RYR2: variants seen among roughly 807,000 people sequenced by gnomAD.
RYR2 encodes ryanodine receptor 2.
A neutral mutation model predicts 601.1 loss-of-function variants in RYR2; 227 were observed. The observed-to-expected ratio is 0.38, with a 90% CI of 0.34 to 0.42. The LOEUF is 0.42. Ranked by LOEUF, RYR2 falls within the 10% of genes least tolerant of loss-of-function variation. The pLI is 1.00. For synonymous variants in RYR2, 2,223 were observed against 2,175.1 expected (o/e 1.02, Z -0.61); for missense variants, 4,646 against 6,156.5 (o/e 0.75, Z 8.21).
chr1:237,099,506 G>A (rs1667848028), intron 1 of RYR2, among the ~76,000 whole-genome samples: 1 of 152,138 alleles, frequency 6.6e-6, no homozygotes, highest in African/African-American at 2.4e-5. Context: ...CCGAAGTGCT[G>A]GGTTTACAGA....
chr1:237,784,915 G>A lies in RYR2; in HGVS notation c.13203G>A (p.Gly4401=), dbSNP rs1399373515. The change falls in exon 90 of 105, where the codon GGG becomes GGA. Residue 4401 remains glycine, a synonymous_variant. Coordinates refer to ENST00000366574, the MANE Select transcript of RYR2 (RefSeq NM_001035.3). This position sits in a 1 kb window ranked among gnomAD's most constrained non-coding sequence, Gnocchi z 7.1. ...YKLIPHNPNA[G]LSDLMSNPVP... Reference sequence around the variant, plus strand: ...TGATTCCTCATAATCCAAATGCTGGGCTCAGTGACCTCATGAGCAACCCAG... The same window carrying A: ...TGATTCCTCATAATCCAAATGCTGGACTCAGTGACCTCATGAGCAACCCAG... The A allele has an allele frequency of 6.2e-7, 1 of 1,609,850 alleles. No homozygotes were observed. The highest frequency in any genetic ancestry group is 8.5e-7 in the Non-Finnish European group (1 of 1,177,988).
intron 40 of RYR2, 26 bp downstream of exon 40, chr1:237,625,830 A>G: frequency 6.2e-7 from 1 of 1,609,568 alleles, no homozygotes; most frequent in Non-Finnish European, 8.5e-7. Context: ...GTGCACTGGC[A>G]GAATGACCCA....
In RYR2 at chr1:237,322,538, A is replaced by G. The variant is rs372272511; in HGVS notation, c.169-8340A>G. Among the ~76,000 whole-genome samples, 19 of 152,238 alleles carry G rather than the reference A, an allele frequency of 1.2e-4. No homozygotes were observed. In the East Asian group the frequency reaches 3.7e-3, roughly 30 times the overall value. On this transcript the variant is annotated intron_variant, in intron 2 of 104. Transcript: ENST00000366574. ...TCCCAGATACTATATCAGGCAAGAAACCTATGAATGGATTCTACAAAATAT... is the reference window on the plus strand; with the variant it reads ...TCCCAGATACTATATCAGGCAAGAAGCCTATGAATGGATTCTACAAAATAT...
At chr1:237,299,127 C>CTTT (rs3086046) in intron 2 of RYR2, among the ~76,000 whole-genome samples, 13,858 of 145,358 alleles carry the variant, frequency 0.095, 1,301 homozygotes, top group African/African-American at 0.23. Flanking sequence ...TTCCTAGAGT[C>CTTT]TTTTTTTTTT....
intron 1 of RYR2, among the ~76,000 whole-genome samples, chr1:237,194,674 A>C (rs577912440): frequency 6.6e-6 from 1 of 152,236 alleles, no homozygotes; most frequent in African/African-American, 2.4e-5. Context: ...AGTAGGGGAG[A>C]GCGAGTGAGC....
At chr1:237,718,576 C>G (rs1033322863) in intron 73 of RYR2, 55 bp downstream of exon 73, 51 of 880,940 alleles carry the variant, frequency 5.8e-5, no homozygotes, top group Non-Finnish European at 7.7e-5. Flanking sequence ...TAGTTAATCT[C>G]TCTTTAAAAT....
intron 1 of RYR2, among the ~76,000 whole-genome samples, chr1:237,042,870 G>A (rs1199675272): frequency 6.6e-6 from 1 of 152,160 alleles, no homozygotes; most frequent in Non-Finnish European, 1.5e-5. Context: ...TCGGAGCTGC[G>A]GGAACCGGGA....
intron 1 of RYR2, among the ~76,000 whole-genome samples, chr1:237,207,630 C>T (rs903315698): frequency 4.6e-5 from 7 of 152,106 alleles, no homozygotes; most frequent in East Asian, 1.9e-4. Context: ...CACCGGATGC[C>T]GGCTCCTTGA....
intron 29 of RYR2, among the ~76,000 whole-genome samples, chr1:237,586,190 A>G (rs543678355): frequency 1.3e-5 from 2 of 152,302 alleles, no homozygotes; most frequent in South Asian, 4.1e-4. Flanking sequence ...TAACACCTGT[A>G]TATTCTTCAA....
At chr1:237,795,239 T>A (rs561265758) in intron 95 of RYR2, 50 bp from the exon 96 acceptor site, 1 of 870,380 alleles carries the variant, frequency 1.1e-6, no homozygotes, top group East Asian at 3.1e-5. Flanking sequence ...TATGTTATTA[T>A]TTGTCATTAA....
intron 96 of RYR2, among the ~76,000 whole-genome samples, 155 bp downstream of exon 96, chr1:237,795,486 C>T (rs1039657197): frequency 2.0e-5 from 3 of 150,852 alleles, no homozygotes; most frequent in Admixed American, 1.3e-4. Context: ...GAGTCTCACT[C>T]CGTCACCCAG....
intron 41 of RYR2, among the ~76,000 whole-genome samples, chr1:237,629,639 T>C (rs552354563): frequency 6.6e-6 from 1 of 151,918 alleles, no homozygotes; most frequent in Admixed American, 6.6e-5. Flanking sequence ...AACAATAAAA[T>C]TGATCAAAGA....
intron 71 of RYR2, 95 bp from the exon 72 acceptor site, chr1:237,717,103 T>A: frequency 9.3e-7 from 1 of 1,071,770 alleles, no homozygotes; most frequent in Non-Finnish European, 1.3e-6. Flanking sequence ...CAGCAGAAAA[T>A]GAGGAAGATG....
At chr1:237,111,706 G>A (rs892888469) in intron 1 of RYR2, among the ~76,000 whole-genome samples, 1 of 152,060 alleles carries the variant, frequency 6.6e-6, no homozygotes, top group Non-Finnish European at 1.5e-5. Flanking sequence ...GCCATCTTTG[G>A]GATTCTCTTT....
chr1:237,470,487 A>C (rs1572470220), intron 17 of RYR2, among the ~76,000 whole-genome samples: 1 of 152,204 alleles, frequency 6.6e-6, no homozygotes, highest in East Asian at 1.9e-4. Flanking sequence ...AATTTGAGTC[A>C]TAGTGAGTTC....
chr1:237,722,722 C>T (rs895693533), intron 73 of RYR2, among the ~76,000 whole-genome samples: 1 of 152,104 alleles, frequency 6.6e-6, no homozygotes, highest in Non-Finnish European at 1.5e-5. Flanking sequence ...CGTGAGCCAC[C>T]GTGCCTGGCC....
chr1:237,071,516 G>A (rs2148325527), intron 1 of RYR2, among the ~76,000 whole-genome samples: 1 of 152,236 alleles, frequency 6.6e-6, no homozygotes, highest in South Asian at 2.1e-4. Context: ...GAGCCACCCT[G>A]CCCGGCCGAG....
Position 237,206,499 on chromosome 1 carries a change from CATA to C in RYR2, c.49-63992_49-63990del, listed in dbSNP as rs1024007243. On this transcript the variant is annotated intron_variant, in intron 1 of 104. Transcript: ENST00000366574. The stretch of plus-strand genomic sequence containing the variant: ...AGAAAGTTTTTCACACTTGTTTCTC[CATA>C]ATAATTCAAGTACTTCTATTTGCAT... Among the ~76,000 whole-genome samples the C allele has an allele frequency of 6.6e-4, 100 of 152,118 alleles. 1 individual carries two copies. The highest frequency in any genetic ancestry group is 1.5e-4 in the Non-Finnish European group (10 of 68,020).
intron 63 of RYR2, among the ~76,000 whole-genome samples, chr1:237,689,675 G>A (rs1686766405): frequency 6.6e-6 from 1 of 151,856 alleles, no homozygotes; most frequent in South Asian, 2.1e-4. Context: ...TGGAGACCTG[G>A]TATGTTTTCT....
Sources: allele counts gnomAD v4.1 joint callset (sites outside exome capture counted in the v4.1 genomes callset), GRCh38; gene constraint gnomAD v4.1.1; non-coding constraint Gnocchi (gnomAD v3.1); transcripts MANE v1.5; gene names NCBI Gene and HGNC (gene_info 2026-07-23, HGNC 2026-07-21).